The following SRGAP3 variants were observed in gnomAD, a reference collection of about 807,000 sequenced individuals.
The protein encoded by SRGAP3 is SLIT-ROBO Rho GTPase activating protein 3.
In SRGAP3, 39 loss-of-function variants were observed where a neutral mutation model predicts 121.1. That is an observed-to-expected ratio of 0.32 (90% CI 0.25 to 0.42). The LOEUF is 0.42. Among genes scored for constraint, SRGAP3 ranks in the 10% least tolerant of loss-of-function variants. SRGAP3 has a pLI of 1.00. For synonymous variants in SRGAP3, 601 were observed against 570.0 expected (o/e 1.05, Z -0.77); for missense variants, 1,213 against 1,470.6 (o/e 0.82, Z 2.86).
At position 9,047,381 on chromosome 3, in the gene SRGAP3, G is replaced by C. The variant is rs2292251; in HGVS notation, c.1408+10C>G. ...AGCACCTCCCAGAGGGCCTCCACCA[G>C]CCCACTCACCTTCGCCCAGGGTCTG... is the stretch of plus-strand genomic sequence containing the variant. On this transcript the variant is annotated intron_variant, in intron 10 of 21. Coordinates refer to ENST00000383836, the MANE Select transcript of SRGAP3 (RefSeq NM_014850.4). The C allele has an allele frequency of 0.014, 22,109 of 1,613,770 alleles. 855 individuals carry two copies. Among genetic ancestry groups the C allele is most frequent in the East Asian group, 0.11 (4,969 of 44,828 alleles).
chr3:9,055,961 G>A (rs1161564046), intron 8 of SRGAP3, among the ~76,000 whole-genome samples: 9 of 152,058 alleles, frequency 5.9e-5, no homozygotes, highest in South Asian at 2.1e-4. Flanking sequence ...GTGCAGTGGC[G>A]TGATCTCAGC....
intron 9 of SRGAP3, among the ~76,000 whole-genome samples, chr3:9,052,488 T>C (rs1560014644): frequency 6.6e-6 from 1 of 152,094 alleles, no homozygotes. Context: ...AACCTAATAT[T>C]CTATGTTCAG....
chr3:9,061,666 G>C (rs962248528), intron 5 of SRGAP3, among the ~76,000 whole-genome samples: 1 of 152,206 alleles, frequency 6.6e-6, no homozygotes, highest in Admixed American at 6.5e-5. Context: ...TTCATTGCTA[G>C]GTCTGGAGCG....
At chr3:9,071,217 C>G (rs925939460) in intron 4 of SRGAP3, among the ~76,000 whole-genome samples, 20 of 152,138 alleles carry the variant, frequency 1.3e-4, no homozygotes, top group African/African-American at 3.9e-4. Context: ...TCAGTGGACA[C>G]CTGTTGTTTT....
At chr3:9,062,232 T>A (rs1342410609) in intron 5 of SRGAP3, among the ~76,000 whole-genome samples, 1 of 152,092 alleles carries the variant, frequency 6.6e-6, no homozygotes, top group African/African-American at 2.4e-5. Flanking sequence ...ACTCATCTAT[T>A]TTATAGATGA....
chr3:9,236,963 T>C (rs538985078), intron 1 of SRGAP3, among the ~76,000 whole-genome samples: 1 of 152,304 alleles, frequency 6.6e-6, no homozygotes, highest in South Asian at 2.1e-4. Flanking sequence ...ATAGAATATA[T>C]GCCAGATTCC....
chr3:9,270,039 T>G (rs1033556168), intron 3 of SRGAP3, among the ~76,000 whole-genome samples: 13 of 152,206 alleles, frequency 8.5e-5, no homozygotes, highest in African/African-American at 2.9e-4. Flanking sequence ...GAGTTTCTGA[T>G]TTAGTAGATC....
intron 18 of SRGAP3, among the ~76,000 whole-genome samples, chr3:9,006,107 T>C (rs199639349): frequency 2.6e-4 from 2 of 7,664 alleles, no homozygotes; most frequent in East Asian, 1.2e-3. Flanking sequence ...TAATTTCTTA[T>C]GAAAAGGAGT....
chr3:9,053,357 C>T, intron 8 of SRGAP3, 133 bp from the exon 9 acceptor site: 1 of 933,412 alleles, frequency 1.1e-6, no homozygotes, highest in Non-Finnish European at 1.7e-6. Flanking sequence ...AAAAATAATC[C>T]TTCTCACTGT....
rs1243451399 is a variant in SRGAP3, at chr3:9,239,717, T to C, written c.67+9168A>G. Among the ~76,000 whole-genome samples the C allele has an allele frequency of 1.3e-5, 2 of 152,236 alleles. No individual in the cohort carries two copies. The highest frequency in any genetic ancestry group is 6.5e-5 in the Admixed American group (1 of 15,286). On this transcript the variant is annotated intron_variant, in intron 1 of 21. Coordinates refer to ENST00000383836, the MANE Select transcript of SRGAP3 (RefSeq NM_014850.4). The surrounding 1 kb of genome is among the most constrained non-coding windows in gnomAD (Gnocchi z 4.0). ...AATCAATGGTTGAGCACTCTGTAAT[T>C]GGAAATGTCAAAATCCACATTTCCT...
At chr3:9,223,998 T>C (rs374130467) in intron 1 of SRGAP3, among the ~76,000 whole-genome samples, 12 of 152,316 alleles carry the variant, frequency 7.9e-5, no homozygotes, top group Admixed American at 5.2e-4. Flanking sequence ...GATCATTTCC[T>C]TGTGCAATGC....
At chr3:9,116,394 A>G (rs1044409045) in intron 2 of SRGAP3, among the ~76,000 whole-genome samples, 5 of 152,258 alleles carry the variant, frequency 3.3e-5, no homozygotes, top group Non-Finnish European at 7.3e-5. Context: ...CATCAATTAT[A>G]TACCAGAGAG....
chr3:9,235,079 T>C (rs1003851417), intron 1 of SRGAP3, among the ~76,000 whole-genome samples: 5 of 152,158 alleles, frequency 3.3e-5, no homozygotes, highest in African/African-American at 1.2e-4. Context: ...GAGACAGAAG[T>C]GACCAACACA....
At chr3:9,284,811 C>T (rs1286089541) in intron 3 of SRGAP3, among the ~76,000 whole-genome samples, 1 of 115,574 alleles carries the variant, frequency 8.7e-6, no homozygotes, top group Non-Finnish European at 1.7e-5. Context: ...CCAGCCTGGG[C>T]AATAGAATGA....
At chr3:9,211,482 C>G (rs1952444308) in intron 1 of SRGAP3, among the ~76,000 whole-genome samples, 1 of 152,168 alleles carries the variant, frequency 6.6e-6, no homozygotes, top group African/African-American at 2.4e-5. Context: ...GTGTTAACCT[C>G]AGTGTTTGTT....
At chr3:9,190,962 A>G (rs1266246436) in intron 1 of SRGAP3, among the ~76,000 whole-genome samples, 5 of 152,144 alleles carry the variant, frequency 3.3e-5, no homozygotes, top group South Asian at 2.1e-4. Flanking sequence ...GCAAAATCCT[A>G]AAGTTCCTTC....
intron 3 of SRGAP3, among the ~76,000 whole-genome samples, chr3:9,318,762 G>T (rs1955392125): frequency 6.6e-6 from 1 of 151,302 alleles, no homozygotes; most frequent in South Asian, 2.1e-4. Context: ...GCCTGTAGTT[G>T]TAGCTACTTA....
At chr3:9,145,521 C>T (rs932726673) in intron 1 of SRGAP3, among the ~76,000 whole-genome samples, 2 of 152,200 alleles carry the variant, frequency 1.3e-5, no homozygotes, top group African/African-American at 4.8e-5. Context: ...ATTGAACTCC[C>T]TATTTCCATA....
chr3:9,230,124 G>A (rs143427683), intron 1 of SRGAP3, among the ~76,000 whole-genome samples: 7 of 152,186 alleles, frequency 4.6e-5, no homozygotes, highest in Admixed American at 2.0e-4. Flanking sequence ...AATCGGTGAC[G>A]CTGACTGAGT....
Sources: allele counts gnomAD v4.1 joint callset (sites outside exome capture counted in the v4.1 genomes callset), GRCh38; gene constraint gnomAD v4.1.1; non-coding constraint Gnocchi (gnomAD v3.1); transcripts MANE v1.5; gene names NCBI Gene and HGNC (gene_info 2026-07-23, HGNC 2026-07-21).